REG1A: variants seen among roughly 807,000 people sequenced by gnomAD.
The protein encoded by REG1A is lithostathine-1-alpha.
A neutral mutation model predicts 20.7 loss-of-function variants in REG1A; 20 were observed. The observed-to-expected ratio is 0.97, with a 90% CI of 0.68 to 1.41. The LOEUF is 1.41. Among genes scored for constraint, REG1A ranks in the 40% most tolerant of loss-of-function variants. The pLI is 0.00. For missense variants in REG1A, 193 were observed against 201.8 expected, an observed-to-expected ratio of 0.96 and a Z score of 0.26; for synonymous variants, 90 against 71.6, an observed-to-expected ratio of 1.26 and a Z score of -1.30.
intron 2 of REG1A, 146 bp from the exon 3 acceptor site, chr2:79,121,416 T>C (rs887562064): frequency 8.6e-6 from 6 of 699,114 alleles, no homozygotes; most frequent in Non-Finnish European, 1.3e-5. Flanking sequence ...AGACAGAAGA[T>C]GTAGGATGCA....
rs375012623 is a variant in REG1A, at chr2:79,121,645, T to C, written c.148T>C (p.Phe50Leu). ...TNAYRSYCYY[F>L]NEDRETWVDA... Reference sequence around the variant, plus strand: ...TGCCTATCGCTCCTACTGCTACTACTTTAATGAAGACCGTGAGACCTGGGT... The same window carrying C: ...TGCCTATCGCTCCTACTGCTACTACCTTAATGAAGACCGTGAGACCTGGGT... The change falls in exon 3 of 6, where the codon TTT becomes CTT. Residue 50 changes from phenylalanine (F) to leucine (L), a missense_variant. Phe to Leu is a conservative substitution (Grantham distance 22, BLOSUM62 0). Transcript: ENST00000233735. The C allele has an allele frequency of 6.2e-7, 1 of 1,613,948 alleles. No homozygotes were observed. The highest frequency in any genetic ancestry group is 8.5e-7 in the Non-Finnish European group (1 of 1,180,012).
At chr2:79,120,973 C>T in intron 2 of REG1A, 48 bp downstream of exon 2, 1 of 1,422,804 alleles carries the variant, frequency 7.0e-7, no homozygotes, top group Non-Finnish European at 9.8e-7. Flanking sequence ...CTGAAGACTT[C>T]ACTCTATCCC....
intron 3 of REG1A, 69 bp downstream of exon 3, chr2:79,121,749 T>C: frequency 2.1e-6 from 3 of 1,456,898 alleles, no homozygotes; most frequent in Non-Finnish European, 2.9e-6. Context: ...CTCCAGTGTG[T>C]TCAGTGGCTG....
chr2:79,121,495 C>G (rs1672885357), intron 2 of REG1A, 67 bp from the exon 3 acceptor site: 1 of 1,278,200 alleles, frequency 7.8e-7, no homozygotes, highest in African/African-American at 1.5e-5. Flanking sequence ...ACCTCAGAAG[C>G]TCTTACCTCA....
intron 3 of REG1A, 83 bp downstream of exon 3, chr2:79,121,763 TG>T (rs1558546562): frequency 7.1e-7 from 1 of 1,399,842 alleles, no homozygotes; most frequent in Admixed American, 1.7e-5. Context: ...GTGGCTGCAA[TG>T]AGATGAGACT....
intron 2 of REG1A, 60 bp from the exon 3 acceptor site, chr2:79,121,502 C>A: frequency 7.3e-7 from 1 of 1,375,494 alleles, no homozygotes; most frequent in Non-Finnish European, 1.0e-6. Flanking sequence ...AAGCTCTTAC[C>A]TCACCTTCAA....
intron 2 of REG1A, among the ~76,000 whole-genome samples, chr2:79,121,344 A>G (rs1672883146): frequency 6.6e-6 from 1 of 152,190 alleles, no homozygotes; most frequent in African/African-American, 2.4e-5. Context: ...TAAAAGGGAA[A>G]CTGGAGACTT....
intron 4 of REG1A, among the ~76,000 whole-genome samples, chr2:79,122,411 C>T (rs1672901134): frequency 6.6e-6 from 1 of 152,140 alleles, no homozygotes; most frequent in African/African-American, 2.4e-5. Context: ...CTGTCAGAGT[C>T]ACAAGAGAGA....
At position 79,123,239 on chromosome 2, in the gene REG1A, A is replaced by G. The variant is rs763401550; in HGVS notation, c.*24A>G. The G allele has an allele frequency of 5.4e-6, 8 of 1,484,958 alleles. No individual in the cohort carries two copies. In the East Asian group the frequency reaches 9.1e-5, roughly 17 times the overall value. 92.0% of individuals were successfully genotyped at this position (1,484,958 alleles called of 1,614,324 possible). ...AGAGGCAACTGGAAAATACATGTCT[A>G]GAACTGATCCAGCAATTACAACGGA... On this transcript the variant is annotated 3_prime_UTR_variant, in exon 6 of 6. Coordinates refer to ENST00000233735, the MANE Select transcript of REG1A (RefSeq NM_002909.5).
chr2:79,122,735 T>G, intron 4 of REG1A, 106 bp from the exon 5 acceptor site: 1 of 782,808 alleles, frequency 1.3e-6, no homozygotes, highest in Non-Finnish European at 2.2e-6. Context: ...TAGCAAGGTT[T>G]ATTCTTCCTT....
chr2:79,122,195 C>A, intron 4 of REG1A, 70 bp downstream of exon 4: 1 of 1,508,542 alleles, frequency 6.6e-7, no homozygotes, highest in Non-Finnish European at 9.0e-7. Context: ...AAGTTCTGGT[C>A]TCTTAAGTAC....
chr2:79,121,187 G>A (rs570360694), intron 2 of REG1A, among the ~76,000 whole-genome samples: 96 of 152,258 alleles, frequency 6.3e-4, no homozygotes, highest in African/African-American at 1.6e-3. Context: ...AAATTTATAC[G>A]TGATGGTGGA....
In REG1A at chr2:79,122,017, C is replaced by G. The variant is rs1672893002; in HGVS notation, c.213C>G (p.Asn71Lys). 2 of 1,614,056 alleles carry G rather than the reference C, an allele frequency of 1.2e-6. No individual in the cohort carries two copies. The highest frequency in any genetic ancestry group is 4.5e-5 in the East Asian group (2 of 44,870). Residue 71 changes from asparagine (N) to lysine (K), a missense_variant, in exon 4 of 6, where the codon AAC becomes AAG. By Grantham distance (94) the Asn-to-Lys change is moderately conservative. Coordinates refer to ENST00000233735, the MANE Select transcript of REG1A (RefSeq NM_002909.5). ...ATTGCCAGAACATGAATTCGGGCAACCTGGTGTCTGTGCTCACCCAGGCCG... is the reference window on the plus strand; with the variant it reads ...ATTGCCAGAACATGAATTCGGGCAAGCTGGTGTCTGTGCTCACCCAGGCCG... ...DLYCQNMNSG[N>K]LVSVLTQAEG... is the part of the protein sequence containing the mutation.
In REG1A at chr2:79,120,874, A is replaced by G. The variant is rs140762952; in HGVS notation, c.13A>G (p.Ser5Gly). ...ATTGCAGCTCAGCATGGCTCAGACC[A>G]GCTCATACTTCATGCTGATCTCCTG... is the stretch of plus-strand genomic sequence containing the variant. MAQT[S>G]SYFMLISCLM... is the part of the protein sequence containing the mutation. Residue 5 changes from serine (S) to glycine (G), a missense_variant, in exon 2 of 6, where the codon AGC becomes GGC. Physicochemically the swap from Ser to Gly is moderately conservative, Grantham distance 56. Transcript: ENST00000233735. 2 of 1,613,066 alleles carry G rather than the reference A, an allele frequency of 1.2e-6. No individual in the cohort carries two copies. Among genetic ancestry groups the G allele is most frequent in the African/African-American group, 2.7e-5 (2 of 74,880 alleles).
chr2:79,121,554 T>C lies in REG1A; in HGVS notation c.65-8T>C. On this transcript the variant is annotated splice_polypyrimidine_tract_variant and splice_region_variant and intron_variant, in intron 2 of 5. Coordinates refer to ENST00000233735, the MANE Select transcript of REG1A (RefSeq NM_002909.5). ...GAGAGCCTCCTTTAATTGTCTCTTC[T>C]TTTTCAGGCCAAGAGGCCCAGACAG... 1 of 1,612,468 alleles carries C rather than the reference T, an allele frequency of 6.2e-7. No individual in the cohort carries two copies.
intron 2 of REG1A, 71 bp downstream of exon 2, chr2:79,120,996 T>C: frequency 8.6e-7 from 1 of 1,163,220 alleles, no homozygotes; most frequent in Non-Finnish European, 1.2e-6. Context: ...AGCATACGGG[T>C]CTACTTGAAA....
At chr2:79,122,586 A>G (rs1315090527) in intron 4 of REG1A, among the ~76,000 whole-genome samples, 1 of 152,164 alleles carries the variant, frequency 6.6e-6, no homozygotes, top group Non-Finnish European at 1.5e-5. Context: ...AAGACAAAAA[A>G]TCAGGAACCA....
rs1672886020 is a variant in REG1A at position 79,121,552 on chromosome 2, TC to T, written c.65-9del. 1 of 1,612,042 alleles carries T rather than the reference TC, an allele frequency of 6.2e-7. No homozygotes were observed. Among genetic ancestry groups the T allele is most frequent in the Non-Finnish European group, 8.5e-7 (1 of 1,178,146 alleles). On this transcript the variant is annotated splice_polypyrimidine_tract_variant and intron_variant, in intron 2 of 5. Coordinates refer to ENST00000233735, the MANE Select transcript of REG1A (RefSeq NM_002909.5). ...CTGAGAGCCTCCTTTAATTGTCTCT[TC>T]TTTTTCAGGCCAAGAGGCCCAGACA...
At chr2:79,121,428 G>A (rs1672884525) in intron 2 of REG1A, 134 bp from the exon 3 acceptor site, 11 of 730,482 alleles carry the variant, frequency 1.5e-5, no homozygotes, top group Middle Eastern at 2.5e-4. Flanking sequence ...TAGGATGCAG[G>A]AGCAATAGTG....
Sources: gnomAD v4.1 joint callset for allele counts (sites outside exome capture counted in the v4.1 genomes callset) on GRCh38, gnomAD v4.1.1 for gene constraint, MANE v1.5 for transcripts, NCBI Gene and HGNC (gene_info 2026-07-23, HGNC 2026-07-21) for gene names.